Variants in CNTN5 observed in about 807,000 individuals in gnomAD.
CNTN5 encodes contactin 5, also known as contactin-5.
A neutral mutation model predicts 129.1 loss-of-function variants in CNTN5; 77 were observed. The ratio of observed to expected loss-of-function variants is 0.60; its 90% CI spans 0.50 to 0.72. The LOEUF is 0.72. Among genes scored for constraint, CNTN5 ranks in the 30% least tolerant of loss-of-function variants. CNTN5 has a pLI of 0.00. For synonymous variants in CNTN5, 509 were observed against 465.6 expected (o/e 1.09, Z -1.20); for missense variants, 1,478 against 1,328.8 (o/e 1.11, Z -1.75).
intron 3 of CNTN5, among the ~76,000 whole-genome samples, chr11:99,792,062 A>G (rs1251302172): frequency 1.3e-5 from 2 of 152,020 alleles, no homozygotes; most frequent in East Asian, 3.9e-4. Flanking sequence ...AGTTTTGACA[A>G]CTTTTCCTGT....
intron 1 of CNTN5, among the ~76,000 whole-genome samples, chr11:99,078,135 G>A (rs1304829999): frequency 2.6e-5 from 4 of 152,166 alleles, no homozygotes; most frequent in East Asian, 1.9e-4. Flanking sequence ...TGATATTAAT[G>A]TCATTTCTAT....
intron 3 of CNTN5, among the ~76,000 whole-genome samples, chr11:99,577,179 G>A (rs1489506096): frequency 6.6e-6 from 1 of 152,134 alleles, no homozygotes; most frequent in Non-Finnish European, 1.5e-5. Context: ...TATTTGAATA[G>A]GTAGAGAGAA....
At chr11:99,520,282 A>G (rs775889571) in intron 2 of CNTN5, among the ~76,000 whole-genome samples, 64 of 152,152 alleles carry the variant, frequency 4.2e-4, no homozygotes, top group Non-Finnish European at 7.2e-4. Context: ...TAAGAAATTA[A>G]TAACACCAAA....
chr11:99,694,245 G>C lies in CNTN5; in HGVS notation c.56-125299G>C, dbSNP rs560090847. 1.1e-3 allele frequency among the ~76,000 whole-genome samples: 175 copies of C among 152,254 alleles called. 2 individuals are homozygous for C. Among genetic ancestry groups the C allele is most frequent in the Non-Finnish European group, 1.6e-3 (106 of 68,004 alleles). On this transcript the variant is annotated intron_variant, in intron 3 of 24. Coordinates refer to ENST00000524871, the MANE Select transcript of CNTN5 (RefSeq NM_014361.4). ...CAGGGCTGTGCAAACTTCAGACAGT[G>C]AGCCAAATCTGGCTTATTGCCATTA...
chr11:99,083,957 A>G (rs773608589), intron 1 of CNTN5, among the ~76,000 whole-genome samples: 3 of 152,170 alleles, frequency 2.0e-5, no homozygotes, highest in Admixed American at 6.5e-5. Context: ...TTAAGAGTTT[A>G]TCACATTACT....
chr11:99,398,246 C>G (rs763570936), intron 2 of CNTN5, among the ~76,000 whole-genome samples: 7 of 151,796 alleles, frequency 4.6e-5, no homozygotes, highest in Non-Finnish European at 7.4e-5. Flanking sequence ...CTTACAGACT[C>G]CTTTCTTTCA....
intron 1 of CNTN5, among the ~76,000 whole-genome samples, chr11:99,184,717 G>C (rs1288534635): frequency 6.6e-6 from 1 of 151,988 alleles, no homozygotes; most frequent in Admixed American, 6.6e-5. Flanking sequence ...GTATTACTTT[G>C]CTTAGAAACA....
At chr11:99,622,118 T>G (rs1315449103) in intron 3 of CNTN5, among the ~76,000 whole-genome samples, 2 of 152,222 alleles carry the variant, frequency 1.3e-5, no homozygotes, top group African/African-American at 4.8e-5. Flanking sequence ...TGTTGCCTAG[T>G]ACTTGGCTAA....
chr11:100,303,548 T>C (rs1410675591), intron 20 of CNTN5, among the ~76,000 whole-genome samples: 1 of 135,014 alleles, frequency 7.4e-6, no homozygotes, highest in African/African-American at 2.8e-5. Context: ...GGTTGAAAGA[T>C]TTATTTACTT....
intron 2 of CNTN5, among the ~76,000 whole-genome samples, chr11:99,432,625 G>A (rs1257561554): frequency 2.0e-5 from 3 of 151,822 alleles, no homozygotes; most frequent in East Asian, 3.9e-4. Context: ...AAGAGTGAGA[G>A]CAGTTCAGGG....
At chr11:99,240,775 A>G (rs1352383088) in intron 1 of CNTN5, among the ~76,000 whole-genome samples, 1 of 152,222 alleles carries the variant, frequency 6.6e-6, no homozygotes, top group Non-Finnish European at 1.5e-5. Flanking sequence ...ACAAACTGAT[A>G]AAAGAAAACA....
chr11:99,460,663 G>T (rs1018550838), intron 2 of CNTN5, among the ~76,000 whole-genome samples: 5 of 151,902 alleles, frequency 3.3e-5, no homozygotes, highest in African/African-American at 1.2e-4. Context: ...CCTGCCTAAA[G>T]CGATTTTTAA....
At chr11:100,294,893 G>A (rs1951070875) in intron 18 of CNTN5, among the ~76,000 whole-genome samples, 1 of 151,548 alleles carries the variant, frequency 6.6e-6, no homozygotes, top group South Asian at 2.1e-4. Context: ...AACTTGAAAA[G>A]AAAATGAATG....
chr11:99,860,939 A>AATATGTCT (rs140579273), intron 6 of CNTN5, among the ~76,000 whole-genome samples: 22,205 of 147,356 alleles, frequency 0.15, 1,848 homozygotes, highest in Non-Finnish European at 0.17. Context: ...ATTAACATGG[A>AATATGTCT]ATATGTCTTC....
intron 3 of CNTN5, among the ~76,000 whole-genome samples, chr11:99,781,575 C>A (rs1436750708): frequency 6.6e-6 from 1 of 152,006 alleles, no homozygotes; most frequent in African/African-American, 2.4e-5. Context: ...CTTACCCTCT[C>A]CTGACCCTAT....
intron 7 of CNTN5, among the ~76,000 whole-genome samples, chr11:99,951,874 T>G (rs1950685575): frequency 6.6e-6 from 1 of 152,302 alleles, no homozygotes; most frequent in African/African-American, 2.4e-5. Context: ...AAATCCACTC[T>G]TGTTCTTAAA....
intron 2 of CNTN5, among the ~76,000 whole-genome samples, chr11:99,416,996 A>G (rs145029652): frequency 3.3e-4 from 50 of 152,322 alleles, no homozygotes; most frequent in Middle Eastern, 3.4e-3. Flanking sequence ...TCCAAGAGGC[A>G]GAGACTGACC....
At chr11:99,055,083 C>A (rs1864577395) in intron 1 of CNTN5, among the ~76,000 whole-genome samples, 1 of 151,916 alleles carries the variant, frequency 6.6e-6, no homozygotes, top group Non-Finnish European at 1.5e-5. Context: ...TGGGCTAGGT[C>A]CCTAGAATTT....
intron 1 of CNTN5, among the ~76,000 whole-genome samples, chr11:99,253,862 T>C (rs897052513): frequency 3.4e-5 from 5 of 148,686 alleles, no homozygotes; most frequent in Non-Finnish European, 5.9e-5. Flanking sequence ...CCTTCCCTGT[T>C]GTCTATATGA....
Sources: allele counts gnomAD v4.1 joint callset (sites outside exome capture counted in the v4.1 genomes callset), GRCh38; gene constraint gnomAD v4.1.1; transcripts MANE v1.5; gene names NCBI Gene and HGNC (gene_info 2026-07-23, HGNC 2026-07-21).